Variants in PADI1 observed in about 807,000 individuals in gnomAD.
The protein encoded by PADI1 is protein-arginine deiminase type-1.
PADI1 carries 65 observed loss-of-function variants against 74.8 expected under a neutral mutation model. The observed-to-expected ratio is 0.87, with a 90% confidence interval of 0.71 to 1.07. PADI1 has a LOEUF of 1.07. PADI1 is among the 50% of genes least tolerant of loss of function. The probability of loss-of-function intolerance (pLI) is 0.00; values close to 1 mark genes in which losing one functional copy is unlikely to be tolerated. For missense variants in PADI1, 943 were observed against 854.0 expected (o/e 1.10, Z -1.30); for synonymous variants, 371 against 336.2 (o/e 1.10, Z -1.13).
chr1:17,218,038 C>T (rs540513944), intron 1 of PADI1, among the ~76,000 whole-genome samples: 4 of 152,292 alleles, frequency 2.6e-5, no homozygotes, highest in African/African-American at 4.8e-5. Flanking sequence ...TCATCTTATT[C>T]GTGAATGCCA....
At chr1:17,219,791 G>T (rs1413414447) in intron 1 of PADI1, among the ~76,000 whole-genome samples, 1 of 152,106 alleles carries the variant, frequency 6.6e-6, no homozygotes, top group Admixed American at 6.5e-5. Context: ...AAGGACCCTT[G>T]CCCACCTCCA....
At chr1:17,224,272 C>A in intron 3 of PADI1, 95 bp from the exon 4 acceptor site, 1 of 1,019,532 alleles carries the variant, frequency 9.8e-7, no homozygotes, top group Non-Finnish European at 1.5e-6. Flanking sequence ...TCCTCACGGG[C>A]TTGGGGAGGG....
At position 17,228,603 on chromosome 1, in the gene PADI1, C is replaced by T. The variant is rs764998285; in HGVS notation, c.653-22C>T. On this transcript the variant is annotated intron_variant, in intron 6 of 15. Coordinates refer to ENST00000375471, the MANE Select transcript of PADI1 (RefSeq NM_013358.3). ...CCCTCACCCCTGTCTCCTCGCTAGC[C>T]CCTGACTCTTGTTCTTCCTAGGTGG... 3.7e-6 allele frequency: 6 copies of T among 1,613,634 alleles called. No homozygotes were observed. In the Admixed American group the frequency reaches 8.3e-5, roughly 22 times the overall value.
intron 4 of PADI1, 37 bp from the exon 5 acceptor site, chr1:17,225,774 G>A (rs1166815275): frequency 1.3e-6 from 2 of 1,517,648 alleles, no homozygotes; most frequent in Admixed American, 1.7e-5. Flanking sequence ...GAGCCTCCTG[G>A]GTCCCACTGA....
At chr1:17,225,154 C>G (rs1251991077) in intron 4 of PADI1, among the ~76,000 whole-genome samples, 1 of 152,176 alleles carries the variant, frequency 6.6e-6, no homozygotes, top group African/African-American at 2.4e-5. Flanking sequence ...TGTGCAATCC[C>G]AAGAACCTGG....
At chr1:17,212,821 A>C (rs1224169802) in intron 1 of PADI1, among the ~76,000 whole-genome samples, 7 of 152,130 alleles carry the variant, frequency 4.6e-5, no homozygotes, top group Admixed American at 2.0e-4. Flanking sequence ...TAGGGCAGAC[A>C]AGGACAAGAA....
chr1:17,220,295 C>T (rs775393542), intron 1 of PADI1, among the ~76,000 whole-genome samples: 1 of 152,066 alleles, frequency 6.6e-6, no homozygotes, highest in African/African-American at 2.4e-5. Context: ...GGACTGTTGT[C>T]ACCGCAGTCA....
chr1:17,244,657 G>A lies in PADI1; in HGVS notation c.*414G>A. ...GGGCCTGGGGGACCTGGGGTCTGGT[G>A]TGCCAGGCACCAGGCTGCCTCTGCT... On this transcript the variant is annotated 3_prime_UTR_variant, in exon 16 of 16. Transcript: ENST00000375471. The A allele has an allele frequency of 2.8e-6, 1 of 356,848 alleles. No individual in the cohort carries two copies. Among genetic ancestry groups the A allele is most frequent in the Non-Finnish European group, 5.5e-6 (1 of 180,672 alleles). 22.1% of individuals were successfully genotyped at this position (356,848 alleles called of 1,614,324 possible).
chr1:17,239,266 C>G (rs1315624036), intron 13 of PADI1, among the ~76,000 whole-genome samples: 2 of 152,180 alleles, frequency 1.3e-5, no homozygotes, highest in South Asian at 2.1e-4. Flanking sequence ...ACAAGGATAG[C>G]CCTGAGTTCA....
rs757876298 is a variant in PADI1, at chr1:17,225,827, G to A, written c.425G>A (p.Gly142Asp). ...SQGDKKTWRW[G>D]PEGYGAILLV... ...TTGCCACAGAAAACCTGGCGCTGGG[G>A]CCCTGAGGGCTATGGGGCTATCTTG... Residue 142 changes from glycine to aspartate, a missense_variant, in exon 5 of 16, where the codon GGC becomes GAC. Physicochemically the swap from Gly to Asp is moderately conservative, Grantham distance 94. Coordinates refer to ENST00000375471, the MANE Select transcript of PADI1 (RefSeq NM_013358.3). 1.2e-6 allele frequency: 2 copies of A among 1,614,008 alleles called. No homozygotes were observed. The highest frequency in any genetic ancestry group is 1.7e-6 in the Non-Finnish European group (2 of 1,179,878).
intron 1 of PADI1, among the ~76,000 whole-genome samples, chr1:17,219,423 G>C (rs938413502): frequency 2.0e-5 from 3 of 152,164 alleles, no homozygotes; most frequent in African/African-American, 7.2e-5. Flanking sequence ...CGGTGTCCGA[G>C]TGGGTTGCTA....
intron 4 of PADI1, 53 bp downstream of exon 4, chr1:17,224,481 G>T: frequency 7.5e-7 from 1 of 1,329,034 alleles, no homozygotes; most frequent in Non-Finnish European, 1.1e-6. Context: ...CAAACTTGGG[G>T]TGGTCCCGGG....
intron 4 of PADI1, among the ~76,000 whole-genome samples, chr1:17,225,367 T>G (rs1360254705): frequency 6.6e-6 from 1 of 152,140 alleles, no homozygotes; most frequent in East Asian, 1.9e-4. Flanking sequence ...CAGGACTGCA[T>G]GCGGATGCCA....
chr1:17,230,454 T>C, intron 9 of PADI1, 118 bp from the exon 10 acceptor site: 1 of 757,378 alleles, frequency 1.3e-6, no homozygotes, highest in Non-Finnish European at 2.1e-6. Flanking sequence ...CCTCTGCCCC[T>C]CACCAGGTCT....
At chr1:17,224,609 G>A (rs1355185222) in intron 4 of PADI1, among the ~76,000 whole-genome samples, 181 bp downstream of exon 4, 1 of 152,170 alleles carries the variant, frequency 6.6e-6, no homozygotes, top group African/African-American at 2.4e-5. Flanking sequence ...CCTACACCCT[G>A]TAACCGACAT....
At chr1:17,213,179 G>A (rs540131247) in intron 1 of PADI1, among the ~76,000 whole-genome samples, 13 of 138,694 alleles carry the variant, frequency 9.4e-5, no homozygotes, top group Middle Eastern at 3.5e-3. Context: ...AAGTGGGGAC[G>A]TAATCTCCTA....
At position 17,239,743 on chromosome 1, in the gene PADI1, T is replaced by G. The variant is rs779661365; in HGVS notation, c.1592T>G (p.Leu531Arg). 6.2e-7 allele frequency: 1 copy of G among 1,614,112 alleles called. No homozygotes were observed. Among genetic ancestry groups the G allele is most frequent in the Admixed American group, 1.7e-5 (1 of 60,028 alleles). Residue 531 changes from leucine to arginine, a missense_variant, in exon 14 of 16, where the codon CTG becomes CGG. Physicochemically the swap from Leu to Arg is moderately radical, Grantham distance 102. Coordinates refer to ENST00000375471, the MANE Select transcript of PADI1 (RefSeq NM_013358.3). ...HQAKRSINEM[L>R]ADRHLQRDNL... ...GCAAAAAGAAGCATTAATGAGATGC[T>G]GGCAGACAGACACCTCCAGAGAGAC...
chr1:17,208,109 G>A (rs1000863169), intron 1 of PADI1, among the ~76,000 whole-genome samples: 1 of 152,332 alleles, frequency 6.6e-6, no homozygotes, highest in Admixed American at 6.5e-5. Context: ...GGCCAAGTAA[G>A]GGGTTTCTAG....
chr1:17,214,323 G>A (rs1204187022), intron 1 of PADI1, among the ~76,000 whole-genome samples: 1 of 152,054 alleles, frequency 6.6e-6, no homozygotes, highest in Admixed American at 6.5e-5. Flanking sequence ...CTTGAAGAAT[G>A]CAAAAGACCC....
Sources: allele counts gnomAD v4.1 joint callset (sites outside exome capture counted in the v4.1 genomes callset), GRCh38; gene constraint gnomAD v4.1.1; transcripts MANE v1.5; gene names NCBI Gene and HGNC (gene_info 2026-07-23, HGNC 2026-07-21).